The following BUB3 variants were observed in gnomAD, a reference collection of about 807,000 sequenced individuals.
BUB3 encodes the protein mitotic checkpoint protein BUB3.
Under a neutral mutation model 39.9 loss-of-function variants are expected in BUB3, and 22 were observed. The ratio of observed to expected loss-of-function variants is 0.55; its 90% CI spans 0.39 to 0.79. BUB3 has a LOEUF of 0.79. Among genes scored for constraint, BUB3 ranks in the 30% least tolerant of loss-of-function variants. The probability of loss-of-function intolerance (pLI) is 0.00; values close to 1 mark genes in which losing one functional copy is unlikely to be tolerated. For synonymous variants in BUB3, 168 were observed against 155.1 expected (o/e 1.08, Z -0.62); for missense variants, 303 against 415.4 (o/e 0.73, Z 2.35).
rs776655659 is a variant in BUB3 at position 123,170,194 on chromosome 10, CTT to C, written c.*6361_*6362del. The C allele has an allele frequency of 7.2e-5, 11 of 152,274 alleles. No homozygotes were observed. The highest frequency in any genetic ancestry group is 2.6e-4 in the Admixed American group (4 of 15,306). 9.4% of individuals were successfully genotyped at this position (152,274 alleles called of 1,614,324 possible). ...ACAGTGAGTTGAAAATATCTACTCT[CTT>C]TGGATGAAAAATATTTAACACTTCA... On this transcript the variant is annotated 3_prime_UTR_variant, in exon 8 of 8. Coordinates refer to ENST00000368865, the MANE Select transcript of BUB3 (RefSeq NM_004725.4).
At chr10:123,154,793 A>G (rs889761091) in intron 1 of BUB3, 125 bp from the exon 2 acceptor site, 29 of 1,052,434 alleles carry the variant, frequency 2.8e-5, no homozygotes, top group Non-Finnish European at 3.4e-5. Context: ...GCGCAGGCGC[A>G]AGCGCAGAGT....
chr10:123,164,043 T>C lies in BUB3; in HGVS notation c.*208T>C, dbSNP rs183393015. ...TGAGATGGTTTGATGGTTTGCTGCA[T>C]TAAAGGTATTTGGGCAAACAAAATT... On this transcript the variant is annotated 3_prime_UTR_variant, in exon 8 of 8. Coordinates refer to ENST00000368865, the MANE Select transcript of BUB3 (RefSeq NM_004725.4). 1,936 of 1,252,146 alleles carry C rather than the reference T, an allele frequency of 1.5e-3. 2 individuals carry two copies. The highest frequency in any genetic ancestry group is 1.9e-3 in the Non-Finnish European group (1,858 of 996,974). 77.6% of individuals were successfully genotyped at this position (1,252,146 alleles called of 1,614,324 possible). A position where few individuals can be genotyped will look rare whatever the true frequency, so the allele number is the denominator to read the frequency against.
chr10:123,158,710 T>C (rs1453807944), intron 4 of BUB3, among the ~76,000 whole-genome samples: 1 of 152,234 alleles, frequency 6.6e-6, no homozygotes, highest in African/African-American at 2.4e-5. Context: ...CAGAATAAAA[T>C]AATTGCATTG....
rs1228245249 is a variant in BUB3, at chr10:123,167,174, AC to A, written c.*3340del. The A allele has an allele frequency of 3.3e-5, 5 of 152,192 alleles. No individual in the cohort carries two copies. Among genetic ancestry groups the A allele is most frequent in the Admixed American group, 2.6e-4 (4 of 15,280 alleles). The allele number at this position is 152,192 out of a possible 1,614,324, so 9.4% of individuals were successfully genotyped here. ...TTACCTTTTACCACTCCCCCAGAAA[AC>A]ACTGGGGTTCTTCTCTTACGCTGAG... is the stretch of plus-strand genomic sequence containing the variant. On this transcript the variant is annotated 3_prime_UTR_variant, in exon 8 of 8. Transcript: ENST00000368865.
At position 123,160,521 on chromosome 10, in the gene BUB3, C is replaced by T; in HGVS notation, c.532C>T (p.Leu178=). The T allele has an allele frequency of 6.2e-7, 1 of 1,612,292 alleles. No homozygotes were observed. The highest frequency in any genetic ancestry group is 1.3e-5 in the African/African-American group (1 of 74,932). ...GYVQQRRESS[L]KYQTRCIRAF... ...CGTGCAGCAGCGCAGGGAGTCCAGC[C>T]TGAAATACCAGACTCGCTGCATACG... is the stretch of plus-strand genomic sequence containing the variant. The change falls in exon 5 of 8, where the codon CTG becomes TTG. Residue 178 remains leucine (L), a synonymous_variant. Coordinates refer to ENST00000368865, the MANE Select transcript of BUB3 (RefSeq NM_004725.4).
Position 123,164,835 on chromosome 10 carries a change from A to C in BUB3, c.*1000A>C, listed in dbSNP as rs1328491113. 1.5e-6 allele frequency: 2 copies of C among 1,351,666 alleles called. No individual in the cohort carries two copies. The highest frequency in any genetic ancestry group is 1.9e-6 in the Non-Finnish European group (2 of 1,054,102). The allele number at this position is 1,351,666 out of a possible 1,614,324, so 83.7% of individuals were successfully genotyped here. Reference sequence around the variant, plus strand: ...TGGCCTATTCTAGGTAGTTCCAAATAGTATTTTTGTTGTCAAACTTTAAAA... The same window carrying C: ...TGGCCTATTCTAGGTAGTTCCAAATCGTATTTTTGTTGTCAAACTTTAAAA... On this transcript the variant is annotated 3_prime_UTR_variant, in exon 8 of 8. Transcript: ENST00000368865.
At position 123,155,715 on chromosome 10, in the gene BUB3, AAC is replaced by A. The variant is rs1844341122; in HGVS notation, c.256_257del (p.Thr86Ter). 6.2e-7 allele frequency: 1 copy of A among 1,613,820 alleles called. No individual in the cohort carries two copies. The highest frequency in any genetic ancestry group is 8.5e-7 in the Non-Finnish European group (1 of 1,179,810). On this transcript the variant is annotated frameshift_variant, in exon 3 of 8. Transcript: ENST00000368865. LOFTEE classifies it high-confidence loss of function. ...LDHQLKMHDL[N>X]TDQENLVGTH... ...TCATCAATTGAAAATGCATGATTTGAACACTGATCAAGGTAATGTGACCATAT... is the reference window on the plus strand; with the variant it reads ...TCATCAATTGAAAATGCATGATTTGAACTGATCAAGGTAATGTGACCATAT...
At chr10:123,161,004 T>G (rs1350945573) in intron 5 of BUB3, among the ~76,000 whole-genome samples, 1 of 152,098 alleles carries the variant, frequency 6.6e-6, no homozygotes, top group African/African-American at 2.4e-5. Context: ...TGGAGTTCTT[T>G]CCCCAGTTTG....
Position 123,164,102 on chromosome 10 carries a change from T to A in BUB3, c.*267T>A. 7 of 1,148,750 alleles carry A rather than the reference T, an allele frequency of 6.1e-6. No homozygotes were observed. The highest frequency in any genetic ancestry group is 7.5e-6 in the Non-Finnish European group (7 of 936,250). The allele number at this position is 1,148,750 out of a possible 1,614,324, so 71.2% of individuals were successfully genotyped here. A position where few individuals can be genotyped will look rare whatever the true frequency, so the allele number is the denominator to read the frequency against. ...AGTGACTGCAGTTTTGAGAATCAGT[T>A]TTGACCTTGATGATTTTTTGTTTCC... On this transcript the variant is annotated 3_prime_UTR_variant, in exon 8 of 8. Transcript: ENST00000368865.
Position 123,170,229 on chromosome 10 carries a change from A to T in BUB3, c.*6394A>T, listed in dbSNP as rs1844532590. 1.3e-5 allele frequency: 2 copies of T among 152,210 alleles called. No individual in the cohort carries two copies. The allele number at this position is 152,210 out of a possible 1,614,324, so 9.4% of individuals were successfully genotyped here. On this transcript the variant is annotated 3_prime_UTR_variant, in exon 8 of 8. Coordinates refer to ENST00000368865, the MANE Select transcript of BUB3 (RefSeq NM_004725.4). ...AAAATATTTAACACTTCACTCTCAG[A>T]TATAATTATTAGCTGACTTTTTAGA...
intron 4 of BUB3, among the ~76,000 whole-genome samples, chr10:123,159,979 A>G (rs1399957090): frequency 2.0e-5 from 3 of 152,328 alleles, no homozygotes; most frequent in East Asian, 3.9e-4. Flanking sequence ...AGTTTTGAAA[A>G]TGATTGTTTT....
chr10:123,156,912 T>A (rs1027026313), intron 3 of BUB3, among the ~76,000 whole-genome samples: 2 of 152,004 alleles, frequency 1.3e-5, no homozygotes, highest in African/African-American at 4.8e-5. Flanking sequence ...CTCGGCTAAT[T>A]TTTGTATTTT....
In BUB3 at chr10:123,168,136, C is replaced by G. The variant is rs1236117173; in HGVS notation, c.*4301C>G. 6.6e-6 allele frequency: 1 copy of G among 152,086 alleles called. No individual in the cohort carries two copies. The highest frequency in any genetic ancestry group is 1.5e-5 in the Non-Finnish European group (1 of 68,002). 9.4% of individuals were successfully genotyped at this position (152,086 alleles called of 1,614,324 possible). ...TTTTTATGTGGTGAGAATAAATAAT[C>G]TCAGCAAATTTCAAGTATACAATTC... On this transcript the variant is annotated 3_prime_UTR_variant, in exon 8 of 8. Coordinates refer to ENST00000368865, the MANE Select transcript of BUB3 (RefSeq NM_004725.4).
chr10:123,157,482 A>G (rs999590395), intron 3 of BUB3, among the ~76,000 whole-genome samples: 2 of 152,254 alleles, frequency 1.3e-5, no homozygotes, highest in Admixed American at 1.3e-4. Flanking sequence ...GAAATTCAAG[A>G]CAGCCTTTGG....
Position 123,166,169 on chromosome 10 carries a change from C to T in BUB3, c.*2334C>T, listed in dbSNP as rs1844490486. On this transcript the variant is annotated 3_prime_UTR_variant, in exon 8 of 8. Coordinates refer to ENST00000368865, the MANE Select transcript of BUB3 (RefSeq NM_004725.4). Reference sequence around the variant, plus strand: ...AGTTACCCAGGTGTAGTTACCTTGGCCTTCTCATTGGTTTCCCTCACCCAC... The same window carrying T: ...AGTTACCCAGGTGTAGTTACCTTGGTCTTCTCATTGGTTTCCCTCACCCAC... 6.6e-6 allele frequency: 1 copy of T among 152,150 alleles called. No individual in the cohort carries two copies. Among genetic ancestry groups the T allele is most frequent in the African/African-American group, 2.4e-5 (1 of 41,406 alleles). The allele number at this position is 152,150 out of a possible 1,614,324, so 9.4% of individuals were successfully genotyped here.
At position 123,162,227 on chromosome 10, in the gene BUB3, T is replaced by G; in HGVS notation, c.577-9T>G. ...TTACCATTTTTTTCCTCTGGTTCTC[T>G]CTTGGCAGGGTTATGTATTAAGCTC... On this transcript the variant is annotated splice_polypyrimidine_tract_variant and intron_variant, in intron 5 of 7. Transcript: ENST00000368865. 1.9e-6 allele frequency: 3 copies of G among 1,601,902 alleles called. No individual in the cohort carries two copies. The highest frequency in any genetic ancestry group is 2.6e-6 in the Non-Finnish European group (3 of 1,175,862).
chr10:123,155,361 A>G (rs1369875954), intron 2 of BUB3, among the ~76,000 whole-genome samples: 3 of 152,096 alleles, frequency 2.0e-5, no homozygotes, highest in African/African-American at 7.2e-5. Flanking sequence ...TGAAAATACG[A>G]TCATTATATT....
chr10:123,160,847 G>A (rs1248450358), intron 5 of BUB3, among the ~76,000 whole-genome samples: 3 of 152,038 alleles, frequency 2.0e-5, no homozygotes, highest in Non-Finnish European at 4.4e-5. Context: ...GTTGATCCTG[G>A]TCCAGGATGC....
At chr10:123,162,484 GA>G (rs939059288) in intron 6 of BUB3, 71 bp downstream of exon 6, 21 of 1,566,954 alleles carry the variant, frequency 1.3e-5, no homozygotes, top group Admixed American at 2.0e-5. Context: ...GGTATTTAGT[GA>G]AAAAAAATCT....
Sources: gnomAD v4.1 joint callset for allele counts (sites outside exome capture counted in the v4.1 genomes callset) on GRCh38, gnomAD v4.1.1 for gene constraint, MANE v1.5 for transcripts, NCBI Gene and HGNC (gene_info 2026-07-23, HGNC 2026-07-21) for gene names.